ZRANB3: variants seen among roughly 807,000 people sequenced by gnomAD.
ZRANB3 encodes zinc finger RANBP2-type containing 3.
ZRANB3 carries 125 observed loss-of-function variants against 133.8 expected under a neutral mutation model. The observed-to-expected ratio is 0.93, with a 90% confidence interval of 0.81 to 1.08. ZRANB3 has a LOEUF of 1.08. ZRANB3 is among the 50% of genes least tolerant of loss of function. The probability of loss-of-function intolerance (pLI) is 0.00; values close to 1 mark genes in which losing one functional copy is unlikely to be tolerated. For missense variants in ZRANB3, 1,229 were observed against 1,275.5 expected (o/e 0.96, Z 0.56); for synonymous variants, 387 against 432.7 (o/e 0.89, Z 1.31).
rs192127958 is a variant in ZRANB3, at chr2:135,415,765, A to T, written c.162-24945T>A. On this transcript the variant is annotated intron_variant, in intron 2 of 20. Transcript: ENST00000264159. ...ATCAAAAAGCTTACCCACCATGATC[A>T]AGTGGGCTTCATCCCTGGGATGCAA... 6.6e-3 allele frequency among the ~76,000 whole-genome samples: 998 copies of T among 152,332 alleles called. 10 individuals are homozygous for T. The highest frequency in any genetic ancestry group is 0.023 in the African/African-American group (945 of 41,566).
chr2:135,524,511 G>T (rs548507767), intron 1 of ZRANB3, among the ~76,000 whole-genome samples: 1 of 152,170 alleles, frequency 6.6e-6, no homozygotes, highest in African/African-American at 2.4e-5. Flanking sequence ...GTCATATTTG[G>T]TATATATATA....
intron 3 of ZRANB3, among the ~76,000 whole-genome samples, chr2:135,387,949 T>A (rs189631153): frequency 8.3e-4 from 126 of 152,280 alleles, no homozygotes; most frequent in Middle Eastern, 3.4e-3. Context: ...TAACTGAGGA[T>A]AAGGGTGTGT....
chr2:135,478,952 T>G (rs887016919), intron 2 of ZRANB3, among the ~76,000 whole-genome samples: 1 of 151,994 alleles, frequency 6.6e-6, no homozygotes, highest in Non-Finnish European at 1.5e-5. Flanking sequence ...CTTATATATG[T>G]TATATATACT....
intron 1 of ZRANB3, among the ~76,000 whole-genome samples, chr2:135,525,578 T>A (rs188356369): frequency 1.3e-5 from 2 of 152,336 alleles, no homozygotes; most frequent in East Asian, 3.9e-4. Flanking sequence ...CCGGGCACAA[T>A]GGCTCACGCC....
At chr2:135,372,611 C>G (rs1438696828) in intron 3 of ZRANB3, among the ~76,000 whole-genome samples, 2 of 151,854 alleles carry the variant, frequency 1.3e-5, no homozygotes, top group Non-Finnish European at 2.9e-5. Context: ...CATGGTGAAA[C>G]CCGTCTCTAC....
chr2:135,524,816 A>G (rs982021341), intron 1 of ZRANB3, among the ~76,000 whole-genome samples: 2 of 152,166 alleles, frequency 1.3e-5, no homozygotes, highest in African/African-American at 4.8e-5. Context: ...TTTTAAATTA[A>G]TGGGTATGGA....
chr2:135,514,659 A>G (rs1421566222), intron 1 of ZRANB3, among the ~76,000 whole-genome samples: 2 of 152,194 alleles, frequency 1.3e-5, no homozygotes, highest in East Asian at 3.8e-4. Flanking sequence ...TGCCCTGGCC[A>G]GAACTACCAA....
At chr2:135,366,804 G>A (rs966999857) in intron 3 of ZRANB3, among the ~76,000 whole-genome samples, 2 of 152,032 alleles carry the variant, frequency 1.3e-5, no homozygotes, top group Non-Finnish European at 2.9e-5. Flanking sequence ...GGATCACGAG[G>A]TCAGGAGATC....
In ZRANB3 at chr2:135,200,444, A is replaced by G. The variant is rs771257497; in HGVS notation, c.3142-4T>C. On this transcript the variant is annotated splice_polypyrimidine_tract_variant and splice_region_variant and intron_variant, in intron 20 of 20. Coordinates refer to ENST00000264159, the MANE Select transcript of ZRANB3 (RefSeq NM_032143.4). The stretch of plus-strand genomic sequence containing the variant: ...CCTTAGCTTGTCTGGCAGTTCTCTA[A>G]AAGTTAAAAAATATGCATGTGTACA... 58 of 1,591,244 alleles carry G rather than the reference A, an allele frequency of 3.6e-5. No individual in the cohort carries two copies. In the South Asian group the frequency reaches 3.8e-4, roughly 10 times the overall value.
chr2:135,242,963 T>A (rs1036529689), intron 12 of ZRANB3, among the ~76,000 whole-genome samples: 3 of 152,234 alleles, frequency 2.0e-5, no homozygotes, highest in African/African-American at 7.2e-5. Flanking sequence ...CATTACATTG[T>A]CTCTGTTTCT....
At chr2:135,461,918 G>A (rs977010454) in intron 2 of ZRANB3, among the ~76,000 whole-genome samples, 4 of 152,090 alleles carry the variant, frequency 2.6e-5, no homozygotes, top group African/African-American at 9.7e-5. Flanking sequence ...GCAGTCTCTA[G>A]GCAAAGTAAG....
At chr2:135,450,538 C>T (rs1401777422) in intron 2 of ZRANB3, among the ~76,000 whole-genome samples, 1 of 152,092 alleles carries the variant, frequency 6.6e-6, no homozygotes, top group Non-Finnish European at 1.5e-5. Flanking sequence ...AGAGCCTTCT[C>T]ATACTGCTTT....
At chr2:135,251,912 G>A (rs1679416310) in intron 12 of ZRANB3, among the ~76,000 whole-genome samples, 1 of 152,182 alleles carries the variant, frequency 6.6e-6, no homozygotes, top group African/African-American at 2.4e-5. Context: ...GTGTGTGCCT[G>A]TAGTCCCAGC....
At chr2:135,275,816 A>G in intron 8 of ZRANB3, 61 bp from the exon 9 acceptor site, 1 of 1,293,256 alleles carries the variant, frequency 7.7e-7, no homozygotes. Flanking sequence ...AATTTATGTC[A>G]CTTTTAATAA....
chr2:135,374,967 T>C (rs149635795), intron 3 of ZRANB3, among the ~76,000 whole-genome samples: 263 of 151,886 alleles, frequency 1.7e-3, no homozygotes, highest in Admixed American at 3.1e-3. Context: ...CTCAACAACA[T>C]AGGTGAATAG....
intron 15 of ZRANB3, among the ~76,000 whole-genome samples, chr2:135,220,706 A>C (rs527370499): frequency 6.6e-6 from 1 of 151,504 alleles, no homozygotes; most frequent in African/African-American, 2.4e-5. Flanking sequence ...TCAAAAAAAA[A>C]AAAAAAAAAA....
intron 3 of ZRANB3, among the ~76,000 whole-genome samples, chr2:135,359,873 T>G (rs1685595467): frequency 6.6e-6 from 1 of 152,182 alleles, no homozygotes. Flanking sequence ...AACATTTGGG[T>G]ACTATTTTTC....
At chr2:135,450,190 T>C (rs1006356574) in intron 2 of ZRANB3, among the ~76,000 whole-genome samples, 7 of 151,698 alleles carry the variant, frequency 4.6e-5, no homozygotes, top group Non-Finnish European at 1.0e-4. Context: ...TTGTTTATTC[T>C]GGGAGGCAAA....
intron 2 of ZRANB3, among the ~76,000 whole-genome samples, chr2:135,496,964 A>G (rs1212960774): frequency 6.6e-6 from 1 of 152,230 alleles, no homozygotes; most frequent in Non-Finnish European, 1.5e-5. Flanking sequence ...TGATGGTCTC[A>G]TCCTTAAGAG....
Sources: allele counts gnomAD v4.1 joint callset (sites outside exome capture counted in the v4.1 genomes callset), GRCh38; gene constraint gnomAD v4.1.1; transcripts MANE v1.5; gene names NCBI Gene and HGNC (gene_info 2026-07-23, HGNC 2026-07-21).